PLCG2: variants seen among roughly 807,000 people sequenced by gnomAD.
PLCG2 encodes 1-phosphatidylinositol 4,5-bisphosphate phosphodiesterase gamma-2.
Under a neutral mutation model 175.6 loss-of-function variants are expected in PLCG2, and 69 were observed. The ratio of observed to expected loss-of-function variants is 0.39; its 90% CI spans 0.32 to 0.48. PLCG2 has a LOEUF of 0.48. Among genes scored for constraint, PLCG2 ranks in the 20% least tolerant of loss-of-function variants. The pLI is 0.91. For synonymous variants in PLCG2, 827 were observed against 624.0 expected (o/e 1.33, Z -4.85); for missense variants, 1,798 against 1,650.9 (o/e 1.09, Z -1.54).
chr16:81,740,150 A>C (rs1210050943), intron 1 of PLCG2: 1 of 151,840 alleles, frequency 6.6e-6, no homozygotes, highest in Non-Finnish European at 1.5e-5. Context: ...AAAAAAAAAA[A>C]AAAAAAAAGA....
In PLCG2 at chr16:81,907,718, G is replaced by T. The variant is rs772234560; in HGVS notation, c.1501G>T (p.Ala501Ser). The change falls in exon 16 of 33, where the codon GCC becomes TCC. Residue 501 changes from alanine (A) to serine (S), a missense_variant. Ala to Ser is a moderately conservative substitution (Grantham distance 99). Coordinates refer to ENST00000564138, the MANE Select transcript of PLCG2 (RefSeq NM_002661.5). ...TCGGCACTACTGCGCCATTGCCGAT[G>T]CCAAGCTGTCCTTCAGTGATGACAT... ...WTRHYCAIAD[A>S]KLSFSDDIEQ... is the part of the protein sequence containing the mutation. The T allele has an allele frequency of 8.7e-6, 14 of 1,613,916 alleles. No individual in the cohort carries two copies. Among genetic ancestry groups the T allele is most frequent in the Non-Finnish European group, 1.1e-5 (13 of 1,179,916 alleles).
rs1567539582 is a variant in PLCG2 at position 81,934,410 on chromosome 16, GAC to G, written c.2740-17_2740-16del. 1 of 1,525,084 alleles carries G rather than the reference GAC, an allele frequency of 6.6e-7. No individual in the cohort carries two copies. The highest frequency in any genetic ancestry group is 9.1e-7 in the Non-Finnish European group (1 of 1,099,844). The allele number at this position is 1,525,084 out of a possible 1,614,324, so 94.5% of individuals were successfully genotyped here. ...GGATTTCTCGGGGGCGGGCACTAAA[GAC>G]AGTGAACTCCAAACAGGAGAACAAC... On this transcript the variant is annotated splice_polypyrimidine_tract_variant and intron_variant, in intron 25 of 32. Transcript: ENST00000564138.
Position 81,859,207 on chromosome 16 carries a change from C to T in PLCG2, c.479+44C>T, listed in dbSNP as rs756204821. Reference sequence around the variant, plus strand: ...TTTTCTGATCACTTTGGATTTCGATCCTCATTCTATCTTTAAACCTTCCAA... The same window carrying T: ...TTTTCTGATCACTTTGGATTTCGATTCTCATTCTATCTTTAAACCTTCCAA... On this transcript the variant is annotated intron_variant, in intron 5 of 32. Transcript: ENST00000564138. The T allele has an allele frequency of 2.5e-5, 33 of 1,297,192 alleles. No individual in the cohort carries two copies. The South Asian group carries it at 2.8e-4, about 11-fold the overall frequency. 80.4% of individuals were successfully genotyped at this position (1,297,192 alleles called of 1,614,324 possible). A position where few individuals can be genotyped will look rare whatever the true frequency, so the allele number is the denominator to read the frequency against.
intron 1 of PLCG2, among the ~76,000 whole-genome samples, chr16:81,740,760 A>C (rs866228402): frequency 1.2e-3 from 158 of 134,494 alleles, no homozygotes; most frequent in African/African-American, 4.2e-3. Context: ...AAAAAAAAAA[A>C]CCGAAACCAA....
At chr16:81,951,732 T>C (rs1911374325) in intron 31 of PLCG2, among the ~76,000 whole-genome samples, 1 of 152,340 alleles carries the variant, frequency 6.6e-6, no homozygotes, top group South Asian at 2.1e-4. Flanking sequence ...ATATTACAAC[T>C]AAGCATTTAT....
In PLCG2 at chr16:81,921,266, C is replaced by G. The variant is rs1340499254; in HGVS notation, c.2304C>G (p.Ser768=). The G allele has an allele frequency of 5.6e-5, 89 of 1,602,028 alleles. No individual in the cohort carries two copies. Among genetic ancestry groups the G allele is most frequent in the Non-Finnish European group, 7.4e-5 (87 of 1,169,240 alleles). ...MYVDPSEINP[S]MPQRTVKALY... ...TGGATCCCAGTGAAATCAATCCGTC[C>G]ATGGTACGGTGCCGAACCTCCAATT... Residue 768 remains serine (S), a synonymous_variant, in exon 21 of 33, where the codon TCC becomes TCG. Coordinates refer to ENST00000564138, the MANE Select transcript of PLCG2 (RefSeq NM_002661.5).
chr16:81,771,776 T>C (rs1005208568), intron 2 of PLCG2, among the ~76,000 whole-genome samples: 1 of 151,846 alleles, frequency 6.6e-6, no homozygotes, highest in African/African-American at 2.4e-5. Flanking sequence ...GTTTTTGTTT[T>C]TGTTTGCTTG....
At chr16:81,850,908 C>G (rs4497678) in intron 2 of PLCG2, among the ~76,000 whole-genome samples, 53,189 of 151,950 alleles carry the variant, frequency 0.35, 9,623 homozygotes, top group Middle Eastern at 0.48. Flanking sequence ...TAAGATGGGG[C>G]CCGCTTATTT....
chr16:81,876,899 T>C (rs1907817811), intron 7 of PLCG2, among the ~76,000 whole-genome samples: 1 of 152,224 alleles, frequency 6.6e-6, no homozygotes, highest in Admixed American at 6.5e-5. Flanking sequence ...TCTCATTTAT[T>C]GTGTGTACAT....
rs111542751 is a variant in PLCG2 at position 81,846,287 on chromosome 16, G to T, written c.194-8157G>T. Among the ~76,000 whole-genome samples, 65 of 152,158 alleles carry T rather than the reference G, an allele frequency of 4.3e-4. 2 individuals carry two copies. The highest frequency in any genetic ancestry group is 1.5e-3 in the African/African-American group (63 of 41,540). On this transcript the variant is annotated intron_variant, in intron 2 of 32. Transcript: ENST00000564138. The stretch of plus-strand genomic sequence containing the variant: ...GACCTACTTTTCCGGTGTGATTCAT[G>T]CTCCAGACATCCCCCCGCCACTCCC...
chr16:81,751,405 T>G (rs575252743), intron 1 of PLCG2, among the ~76,000 whole-genome samples: 5 of 152,294 alleles, frequency 3.3e-5, no homozygotes, highest in African/African-American at 1.2e-4. Context: ...TTCTCACTTA[T>G]ATGTGGAATC....
chr16:81,837,928 C>T (rs1209920105), intron 2 of PLCG2, among the ~76,000 whole-genome samples: 1 of 152,170 alleles, frequency 6.6e-6, no homozygotes, highest in African/African-American at 2.4e-5. Context: ...CCCCCATTTT[C>T]CTTGTACTTG....
chr16:81,946,066 C>T, intron 30 of PLCG2, 109 bp from the exon 31 acceptor site: 1 of 813,078 alleles, frequency 1.2e-6, no homozygotes, highest in Non-Finnish European at 2.2e-6. Context: ...GGGGCACTGA[C>T]TTCTCTACCC....
chr16:81,797,524 C>G (rs1005095403), intron 2 of PLCG2, among the ~76,000 whole-genome samples: 10 of 152,310 alleles, frequency 6.6e-5, no homozygotes, highest in Admixed American at 6.5e-4. Context: ...GCTGGGAGGC[C>G]AGGGACCCTG....
chr16:81,931,566 C>G lies in PLCG2; in HGVS notation c.2651C>G (p.Pro884Arg). The change falls in exon 25 of 33, where the codon CCT (proline) becomes CGT (arginine). Residue 884 changes from proline to arginine, a missense_variant. Coordinates refer to ENST00000564138, the MANE Select transcript of PLCG2 (RefSeq NM_002661.5). ...CTGGAGCCCAAGCAGCAGGGCGATC[C>G]TCCGGTGGAGTTTGCCACAGACAGG... ...FILEPKQQGD[P>R]PVEFATDRVE... is the part of the protein sequence containing the mutation. 2 of 1,614,044 alleles carry G rather than the reference C, an allele frequency of 1.2e-6. No homozygotes were observed. Among genetic ancestry groups the G allele is most frequent in the Non-Finnish European group, 1.7e-6 (2 of 1,179,952 alleles).
intron 31 of PLCG2, among the ~76,000 whole-genome samples, chr16:81,950,411 A>G (rs564049856): frequency 6.6e-6 from 1 of 152,364 alleles, no homozygotes; most frequent in South Asian, 2.1e-4. Flanking sequence ...GTACCTAAGT[A>G]TATAAGACAA....
chr16:81,908,395 C>G (rs1050882540), intron 16 of PLCG2, 21 bp from the exon 17 acceptor site: 6 of 1,608,768 alleles, frequency 3.7e-6, no homozygotes, highest in Non-Finnish European at 5.1e-6. Flanking sequence ...TTCAGAAACC[C>G]CTCCTCTCTT....
chr16:81,877,681 C>T (rs989553933), intron 7 of PLCG2, among the ~76,000 whole-genome samples: 3 of 152,192 alleles, frequency 2.0e-5, no homozygotes, highest in Non-Finnish European at 2.9e-5. Context: ...TACAAGTGTT[C>T]CTCGGTGTGT....
chr16:81,803,663 C>T (rs113512081), intron 2 of PLCG2, among the ~76,000 whole-genome samples: 72 of 29,722 alleles, frequency 2.4e-3, no homozygotes, highest in African/African-American at 7.7e-3. Context: ...CTCCCTCCCT[C>T]CCTTCCTTCC....
Sources: gnomAD v4.1 joint callset for allele counts (sites outside exome capture counted in the v4.1 genomes callset) on GRCh38, gnomAD v4.1.1 for gene constraint, MANE v1.5 for transcripts, NCBI Gene and HGNC (gene_info 2026-07-23, HGNC 2026-07-21) for gene names.